Variants in UBE4B observed in about 807,000 individuals in gnomAD.
UBE4B encodes the protein ubiquitination factor E4B.
A neutral mutation model predicts 148.1 loss-of-function variants in UBE4B; 27 were observed. The ratio of observed to expected loss-of-function variants is 0.18; its 90% CI spans 0.13 to 0.25. The LOEUF is 0.25. Among genes scored for constraint, UBE4B ranks in the 10% least tolerant of loss-of-function variants. The pLI, the probability that UBE4B is intolerant of heterozygous loss-of-function variation, is 1.00. For synonymous variants in UBE4B, 596 were observed against 619.3 expected (o/e 0.96, Z 0.56); for missense variants, 1,170 against 1,662.4 (o/e 0.70, Z 5.15).
chr1:10,130,148 A>G lies in UBE4B; in HGVS notation c.1696-352A>G, dbSNP rs536343138. 2.0e-5 allele frequency among the ~76,000 whole-genome samples: 3 copies of G among 152,094 alleles called. No homozygotes were observed. The South Asian group carries it at 6.2e-4, about 32-fold the overall frequency. ...GAGCGCAGTGGCGCAATCTCAGCTC[A>G]CTGCAACCTCTGCCTCCTGGGTTCA... On this transcript the variant is annotated intron_variant, in intron 12 of 27. Coordinates refer to ENST00000343090, the MANE Select transcript of UBE4B (RefSeq NM_001105562.3).
rs1644578867 is a variant in UBE4B, at chr1:10,076,253, T to C, written c.211+4039T>C. 2.0e-5 allele frequency among the ~76,000 whole-genome samples: 3 copies of C among 150,866 alleles called. No individual in the cohort carries two copies. In the South Asian group the frequency reaches 6.3e-4, roughly 31 times the overall value. On this transcript the variant is annotated intron_variant, in intron 2 of 27. Transcript: ENST00000343090. ...AGTGCTTCTTTCTTTCTTTCTTTTT[T>C]TTTTTTTTTTTGAGACAGTCTCACT...
At chr1:10,090,918 T>A (rs183256073) in intron 2 of UBE4B, among the ~76,000 whole-genome samples, 1 of 152,170 alleles carries the variant, frequency 6.6e-6, no homozygotes, top group Admixed American at 6.6e-5. Context: ...TCAGGAAATA[T>A]TACAATACTA....
intron 23 of UBE4B, among the ~76,000 whole-genome samples, chr1:10,166,022 TCTGC>T (rs1646240378): frequency 6.6e-6 from 1 of 152,208 alleles, no homozygotes; most frequent in Non-Finnish European, 1.5e-5. Context: ...CTTTCCTGGC[TCTGC>T]CTTTCTTTCA....
At chr1:10,076,741 CTTTTT>C (rs61563451) in intron 2 of UBE4B, among the ~76,000 whole-genome samples, 1 of 105,864 alleles carries the variant, frequency 9.4e-6, no homozygotes, top group South Asian at 3.2e-4. Flanking sequence ...CAGTCCCAGC[CTTTTT>C]TTTTTTTTTT....
intron 1 of UBE4B, among the ~76,000 whole-genome samples, chr1:10,063,672 A>G (rs1474082279): frequency 6.6e-6 from 1 of 152,156 alleles, no homozygotes; most frequent in Non-Finnish European, 1.5e-5. Flanking sequence ...TGGGAGGCCA[A>G]GTCAGGCGGA....
intron 1 of UBE4B, among the ~76,000 whole-genome samples, chr1:10,038,202 C>T (rs942195132): frequency 6.6e-6 from 1 of 151,718 alleles, no homozygotes; most frequent in Admixed American, 6.6e-5. Context: ...ATTGCTTGAA[C>T]CCGGGAGGCG....
At chr1:10,115,647 T>C (rs1161268363) in intron 7 of UBE4B, among the ~76,000 whole-genome samples, 1 of 152,158 alleles carries the variant, frequency 6.6e-6, no homozygotes, top group East Asian at 1.9e-4. Context: ...CATACAGACA[T>C]GTGTCCTTTA....
chr1:10,115,317 G>A (rs1243295323), intron 7 of UBE4B, among the ~76,000 whole-genome samples: 1 of 151,230 alleles, frequency 6.6e-6, no homozygotes, highest in Non-Finnish European at 1.5e-5. Context: ...GCCCAGGCTG[G>A]AGTGCAGTTG....
chr1:10,115,800 A>G (rs988530319), intron 7 of UBE4B, among the ~76,000 whole-genome samples: 1 of 152,220 alleles, frequency 6.6e-6, no homozygotes, highest in Non-Finnish European at 1.5e-5. Context: ...CTCTTAGGCT[A>G]CAAACCTGTA....
intron 21 of UBE4B, among the ~76,000 whole-genome samples, chr1:10,155,187 G>A (rs1299322839): frequency 6.6e-6 from 1 of 151,992 alleles, no homozygotes; most frequent in Non-Finnish European, 1.5e-5. Flanking sequence ...GAGTCCTGCT[G>A]GGAATGTTCC....
intron 1 of UBE4B, among the ~76,000 whole-genome samples, chr1:10,048,769 A>G (rs910457709): frequency 2.6e-5 from 4 of 152,050 alleles, no homozygotes; most frequent in Non-Finnish European, 4.4e-5. Context: ...TTCAAGAGAG[A>G]ATGGGAGGAG....
chr1:10,158,408 C>G lies in UBE4B; in HGVS notation c.2979C>G (p.Arg993=). The G allele has an allele frequency of 6.2e-7, 1 of 1,614,170 alleles. No individual in the cohort carries two copies. The highest frequency in any genetic ancestry group is 8.5e-7 in the Non-Finnish European group (1 of 1,180,026). ...AGTTTTATGACAAGTTCACAATTCG[C>G]TATCATATTAGCACCATTTTTAAAA... The part of the protein sequence containing the change: ...TSEFYDKFTI[R]YHISTIFKSL... Residue 993 remains arginine (R), a synonymous_variant, in exon 22 of 28, where the codon CGC becomes CGG. Transcript: ENST00000343090.
At chr1:10,104,361 A>G (rs1025418494) in intron 5 of UBE4B, among the ~76,000 whole-genome samples, 8 of 152,122 alleles carry the variant, frequency 5.3e-5, no homozygotes, top group African/African-American at 1.9e-4. Context: ...GAGGTATGGG[A>G]GGTGTGCTGG....
chr1:10,081,809 G>A (rs763998464), intron 2 of UBE4B, among the ~76,000 whole-genome samples: 1 of 152,024 alleles, frequency 6.6e-6, no homozygotes, highest in Middle Eastern at 3.4e-3. Context: ...GGCTGGTCTC[G>A]AACTCCTGAC....
chr1:10,089,371 A>G (rs1484832184), intron 2 of UBE4B, among the ~76,000 whole-genome samples: 1 of 152,154 alleles, frequency 6.6e-6, no homozygotes, highest in East Asian at 1.9e-4. Context: ...ATGAAATAGA[A>G]TATGTTTATT....
chr1:10,115,815 A>G (rs968528374), intron 7 of UBE4B, among the ~76,000 whole-genome samples: 1 of 152,178 alleles, frequency 6.6e-6, no homozygotes. Flanking sequence ...CCTGTACTGC[A>G]TGTTAGTGTA....
intron 2 of UBE4B, among the ~76,000 whole-genome samples, chr1:10,084,155 G>A (rs1201944735): frequency 6.6e-6 from 1 of 152,168 alleles, no homozygotes; most frequent in African/African-American, 2.4e-5. Flanking sequence ...ACTGTGCCAC[G>A]GTACTGCATG....
Position 10,151,465 on chromosome 1 carries a change from G to A in UBE4B, c.2830G>A (p.Ala944Thr). Residue 944 changes from alanine (A) to threonine (T), a missense_variant, in exon 21 of 28, where the codon GCT (alanine) becomes ACT (threonine). By Grantham distance (58) the Ala-to-Thr change is moderately conservative (BLOSUM62 0). This residue lies in a region of UBE4B where 348 missense variants were observed against 627.2 expected (regional missense o/e 0.55). Transcript: ENST00000343090. ...LVEVMFMTNP[A>T]VQPRTQKFFE... is the part of the protein sequence containing the mutation. Reference sequence around the variant, plus strand: ...AGAAGTCATGTTTATGACCAACCCTGCTGTTCAGCCACGAACCCAGAAGTT... The same window carrying A: ...AGAAGTCATGTTTATGACCAACCCTACTGTTCAGCCACGAACCCAGAAGTT... 6.2e-7 allele frequency: 1 copy of A among 1,614,134 alleles called. No homozygotes were observed. Among genetic ancestry groups the A allele is most frequent in the Non-Finnish European group, 8.5e-7 (1 of 1,180,038 alleles).
At chr1:10,128,085 A>T (rs1439504959) in intron 11 of UBE4B, among the ~76,000 whole-genome samples, 1 of 152,242 alleles carries the variant, frequency 6.6e-6, no homozygotes, top group Admixed American at 6.5e-5. Context: ...CCTGTGGCAG[A>T]TAAAAGGAAG....
Sources: allele counts gnomAD v4.1 joint callset (sites outside exome capture counted in the v4.1 genomes callset), GRCh38; gene constraint gnomAD v4.1.1; regional missense constraint gnomAD v4.1.1; transcripts MANE v1.5; gene names NCBI Gene and HGNC (gene_info 2026-07-23, HGNC 2026-07-21).